SYNE1: variants seen among roughly 807,000 people sequenced by gnomAD.
The protein encoded by SYNE1 is nesprin-1.
Under a neutral mutation model 1,111.0 loss-of-function variants are expected in SYNE1, and 616 were observed. The ratio of observed to expected loss-of-function variants is 0.55; its 90% CI spans 0.52 to 0.59. The LOEUF (loss-of-function observed/expected upper bound fraction) is 0.59, where lower values mean the gene tolerates loss of function less well. Ranked by LOEUF, SYNE1 falls within the 20% of genes least tolerant of loss-of-function variation. The pLI is 0.00. For synonymous variants in SYNE1, 3,855 were observed against 3,825.8 expected, an observed-to-expected ratio of 1.01 and a Z score of -0.28; for missense variants, 10,006 against 10,417.0, an observed-to-expected ratio of 0.96 and a Z score of 1.72.
chr6:152,166,759 T>A (rs2673782), intron 130 of SYNE1, among the ~76,000 whole-genome samples: 116,283 of 151,880 alleles, frequency 0.77, 44,679 homozygotes, highest in East Asian at 0.89. Context: ...TTCATTTTTT[T>A]AAAAATTGTG....
At position 152,177,357 on chromosome 6, in the gene SYNE1, C is replaced by G. The variant is rs187979082; in HGVS notation, c.23461-797G>C. On this transcript the variant is annotated intron_variant, in intron 129 of 145. Transcript: ENST00000367255. ...ACTGCCACTGCTATCCCCAATGACCCTCTTACTCTCTTGCCACAGTGACAG... is the reference window on the plus strand; with the variant it reads ...ACTGCCACTGCTATCCCCAATGACCGTCTTACTCTCTTGCCACAGTGACAG... Among the ~76,000 whole-genome samples the G allele has an allele frequency of 6.6e-5, 10 of 152,276 alleles. No homozygotes were observed. The East Asian group carries it at 1.7e-3, about 26-fold the overall frequency.
rs532234854 is a variant in SYNE1, at chr6:152,444,387, GT to G, written c.3837+23del. 137 of 1,611,856 alleles carry G rather than the reference GT, an allele frequency of 8.5e-5. No individual in the cohort carries two copies. The African/African-American group carries it at 1.4e-3, about 16-fold the overall frequency. On this transcript the variant is annotated intron_variant, in intron 30 of 145. Coordinates refer to ENST00000367255, the MANE Select transcript of SYNE1 (RefSeq NM_182961.4). ...TAGCAAATCAACTTTACATAATCTT[GT>G]TGGAAGAAAGAGGCATTTTTACCTG...
intron 62 of SYNE1, among the ~76,000 whole-genome samples, chr6:152,365,901 A>G (rs1390785433): frequency 6.6e-6 from 1 of 152,186 alleles, no homozygotes; most frequent in Non-Finnish European, 1.5e-5. Context: ...TGCTGTGGCA[A>G]TAAGCAACTG....
intron 140 of SYNE1, among the ~76,000 whole-genome samples, chr6:152,138,394 C>T (rs958108335): frequency 4.6e-5 from 7 of 152,006 alleles, no homozygotes; most frequent in African/African-American, 1.4e-4. Flanking sequence ...GCCTGTAGTC[C>T]CAGCTACTCA....
At chr6:152,405,778 C>T (rs2097889849) in intron 45 of SYNE1, among the ~76,000 whole-genome samples, 1 of 152,094 alleles carries the variant, frequency 6.6e-6, no homozygotes, top group African/African-American at 2.4e-5. Context: ...TACTTTTAGT[C>T]TGGATAATTT....
At chr6:152,529,466 C>T (rs1314055209) in intron 4 of SYNE1, among the ~76,000 whole-genome samples, 3 of 152,292 alleles carry the variant, frequency 2.0e-5, no homozygotes, top group Middle Eastern at 6.8e-3. Flanking sequence ...GTCATCAGGT[C>T]ATGCTGCTGA....
rs1420309772 is a variant in SYNE1 at position 152,269,092 on chromosome 6, T to C, written c.18705+63A>G. On this transcript the variant is annotated intron_variant, in intron 99 of 145. Coordinates refer to ENST00000367255, the MANE Select transcript of SYNE1 (RefSeq NM_182961.4). ...AAGCAACTTGTCTGTCCTTCTGAAA[T>C]ATGCCTCTCAGGTTCTTCTCTGGGC... The C allele has an allele frequency of 3.7e-6, 6 of 1,612,188 alleles. No individual in the cohort carries two copies. The East Asian group carries it at 8.9e-5, about 24-fold the overall frequency.
At position 152,347,076 on chromosome 6, in the gene SYNE1, A is replaced by G. The variant is rs111449472; in HGVS notation, c.12061T>C (p.Cys4021Arg). The part of the protein sequence containing the change: ...QGTKDSYSAI[C>R]STAQRMYQSL... The stretch of plus-strand genomic sequence containing the variant: ...GCACTCACCCTCTGAGCTGTGCTGC[A>G]GATCGCTGAGTAGCTGTCCTTTGTG... Residue 4021 changes from cysteine (C) to arginine (R), a missense_variant, in exon 73 of 146, where the codon TGC (cysteine) becomes CGC (arginine). Physicochemically the swap from Cys to Arg is radical, Grantham distance 180. Transcript: ENST00000367255. The G allele has an allele frequency of 0.012, 20,154 of 1,614,208 alleles. 162 individuals are homozygous for G. Among genetic ancestry groups the G allele is most frequent in the Non-Finnish European group, 0.015 (17,416 of 1,180,036 alleles).
chr6:152,608,822 T>G (rs2099623149), intron 3 of SYNE1, among the ~76,000 whole-genome samples: 1 of 152,112 alleles, frequency 6.6e-6, no homozygotes. Context: ...TAGTCCCAGT[T>G]TCTGAGAAGC....
At chr6:152,389,834 C>T (rs529143224) in intron 53 of SYNE1, among the ~76,000 whole-genome samples, 1 of 152,286 alleles carries the variant, frequency 6.6e-6, no homozygotes, top group South Asian at 2.1e-4. Context: ...TCAAAACCAT[C>T]CTACACATTT....
chr6:152,359,147 T>C (rs1246948387), intron 65 of SYNE1, among the ~76,000 whole-genome samples, 168 bp downstream of exon 65: 1 of 152,232 alleles, frequency 6.6e-6, no homozygotes, highest in African/African-American at 2.4e-5. Context: ...TAACAATATT[T>C]GAAGGTTTTT....
At chr6:152,526,233 T>A (rs1283218586) in intron 4 of SYNE1, 58 bp from the exon 5 acceptor site, 7 of 1,523,502 alleles carry the variant, frequency 4.6e-6, no homozygotes, top group Non-Finnish European at 5.5e-6. Context: ...TGTTTCTCTC[T>A]TTCTCTCTCT....
intron 3 of SYNE1, among the ~76,000 whole-genome samples, chr6:152,577,999 T>C (rs972223617): frequency 1.3e-5 from 2 of 152,156 alleles, no homozygotes; most frequent in African/African-American, 2.4e-5. Flanking sequence ...TGCGGTGTTT[T>C]TGTGAGTGTG....
chr6:152,416,796 A>C lies in SYNE1; in HGVS notation c.5641T>G (p.Ser1881Ala). Residue 1881 changes from serine to alanine, a missense_variant, in exon 41 of 146, where the codon TCC (serine) becomes GCC (alanine). By Grantham distance (99) the Ser-to-Ala change is moderately conservative. Coordinates refer to ENST00000367255, the MANE Select transcript of SYNE1 (RefSeq NM_182961.4). ...AEFLQSHASLSGILRQLRQTV... is the reference protein window; with the variant it reads ...AEFLQSHASLAGILRQLRQTV... ...TGCCTCAGCTGGCGGAGAATGCCGG[A>C]CAGAGAGGCATGGCTCTGGAGGAAT... 1 of 1,614,170 alleles carries C rather than the reference A, an allele frequency of 6.2e-7. No homozygotes were observed. Among genetic ancestry groups the C allele is most frequent in the East Asian group, 2.2e-5 (1 of 44,878 alleles).
chr6:152,373,446 A>T (rs2097222221), intron 58 of SYNE1, among the ~76,000 whole-genome samples: 1 of 151,486 alleles, frequency 6.6e-6, no homozygotes, highest in African/African-American at 2.4e-5. Context: ...CACCCAGATA[A>T]TTTTTTTGTA....
chr6:152,321,557 A>C (rs1025615139), intron 83 of SYNE1, among the ~76,000 whole-genome samples, 164 bp downstream of exon 83: 4 of 152,238 alleles, frequency 2.6e-5, no homozygotes, highest in South Asian at 2.1e-4. Flanking sequence ...CACTTTAAAA[A>C]ACAAAGGAAA....
At chr6:152,499,878 G>T (rs1248305161) in intron 10 of SYNE1, among the ~76,000 whole-genome samples, 1 of 152,210 alleles carries the variant, frequency 6.6e-6, no homozygotes, top group South Asian at 2.1e-4. Flanking sequence ...TTATTTTCTG[G>T]ATGATTAAAG....
chr6:152,122,966 G>A (rs977758171), intron 145 of SYNE1, among the ~76,000 whole-genome samples: 3 of 152,126 alleles, frequency 2.0e-5, no homozygotes, highest in African/African-American at 7.2e-5. Context: ...TTCTATCAAC[G>A]AAAATAACTG....
intron 125 of SYNE1, 87 bp from the exon 126 acceptor site, chr6:152,206,449 C>G: frequency 6.8e-7 from 1 of 1,465,816 alleles, no homozygotes; most frequent in South Asian, 1.2e-5. Flanking sequence ...CTAACTTTTG[C>G]CCTCTTTCAT....
Sources: gnomAD v4.1 joint callset for allele counts (sites outside exome capture counted in the v4.1 genomes callset) on GRCh38, gnomAD v4.1.1 for gene constraint, MANE v1.5 for transcripts, NCBI Gene and HGNC (gene_info 2026-07-23, HGNC 2026-07-21) for gene names.